Variants in RFC3 observed in about 807,000 individuals in gnomAD.
RFC3 encodes the protein replication factor C subunit 3.
RFC3 carries 41 observed loss-of-function variants against 45.1 expected under a neutral mutation model. The observed-to-expected ratio is 0.91, with a 90% CI of 0.71 to 1.18. RFC3 has a LOEUF of 1.18. Among genes scored for constraint, RFC3 ranks in the 50% most tolerant of loss-of-function variants. RFC3 has a pLI of 0.00. For synonymous variants in RFC3, 149 were observed against 144.0 expected, an observed-to-expected ratio of 1.03 and a Z score of -0.25; for missense variants, 423 against 428.1, an observed-to-expected ratio of 0.99 and a Z score of 0.10.
intron 8 of RFC3, among the ~76,000 whole-genome samples, chr13:33,942,244 G>T (rs796827334): frequency 4.6e-5 from 7 of 151,830 alleles, no homozygotes; most frequent in African/African-American, 1.4e-4. Flanking sequence ...TTTTATTTTT[G>T]TTTTTTAGTA....
At chr13:33,897,266 G>T (rs1458804886) in intron 8 of RFC3, among the ~76,000 whole-genome samples, 1 of 149,892 alleles carries the variant, frequency 6.7e-6, no homozygotes, top group Non-Finnish European at 1.5e-5. Context: ...GTGGGGGAAT[G>T]AAGTTACATT....
downstream of RFC3, among the ~76,000 whole-genome samples, chr13:33,967,486 C>CTTTTTTT (rs11393413): frequency 6.7e-5 from 8 of 119,456 alleles, no homozygotes; most frequent in Non-Finnish European, 8.2e-5. Context: ...ACCAGCAATT[C>CTTTTTTT]TTTTTTTTTT....
chr13:33,866,228 C>G (rs1456265707), intron 8 of RFC3, among the ~76,000 whole-genome samples: 1 of 152,156 alleles, frequency 6.6e-6, no homozygotes, highest in Non-Finnish European at 1.5e-5. Context: ...AGGTGAGCAC[C>G]TTTGAGATGT....
At chr13:33,871,476 C>T (rs1376202869) in intron 8 of RFC3, among the ~76,000 whole-genome samples, 1 of 152,204 alleles carries the variant, frequency 6.6e-6, no homozygotes, top group Non-Finnish European at 1.5e-5. Context: ...TGCCCTCCTG[C>T]TGCCCTCTTC....
intron 8 of RFC3, among the ~76,000 whole-genome samples, chr13:33,878,360 G>A (rs777357272): frequency 1.3e-5 from 2 of 152,306 alleles, no homozygotes; most frequent in Non-Finnish European, 2.9e-5. Flanking sequence ...AGATTAACGA[G>A]CTTTGGAAAT....
intron 8 of RFC3, among the ~76,000 whole-genome samples, chr13:33,875,800 A>G (rs555301941): frequency 2.6e-5 from 4 of 151,894 alleles, no homozygotes; most frequent in Admixed American, 6.6e-5. Flanking sequence ...TCATGGAGCA[A>G]CTGTCACTTA....
downstream of RFC3, among the ~76,000 whole-genome samples, chr13:33,970,277 A>C (rs2083104649): frequency 6.6e-6 from 1 of 152,094 alleles, no homozygotes; most frequent in Non-Finnish European, 1.5e-5. Context: ...ATTCCTTTTT[A>C]TGGCTGCATA....
At chr13:33,829,744 G>A in intron 4 of RFC3, 92 bp from the exon 5 acceptor site, 1 of 977,342 alleles carries the variant, frequency 1.0e-6, no homozygotes, top group South Asian at 1.3e-5. Flanking sequence ...TATTATTTAG[G>A]ATTTCATCCT....
chr13:33,832,689 G>A (rs964798387), intron 7 of RFC3, among the ~76,000 whole-genome samples: 4 of 152,024 alleles, frequency 2.6e-5, no homozygotes, highest in Non-Finnish European at 5.9e-5. Context: ...GTAAAATGTT[G>A]ATTATCAATA....
At chr13:33,929,002 G>A (rs1294371894) in intron 8 of RFC3, among the ~76,000 whole-genome samples, 1 of 152,002 alleles carries the variant, frequency 6.6e-6, no homozygotes, top group Non-Finnish European at 1.5e-5. Flanking sequence ...TTTGGCCTTT[G>A]CCCATTCTAA....
intron 8 of RFC3, among the ~76,000 whole-genome samples, chr13:33,957,210 G>A (rs561180965): frequency 6.6e-5 from 10 of 152,188 alleles, no homozygotes; most frequent in East Asian, 1.9e-4. Context: ...CAAAGACTAC[G>A]TCAAAAAATT....
At chr13:33,921,833 G>A (rs1041814662) in intron 8 of RFC3, among the ~76,000 whole-genome samples, 3 of 152,102 alleles carry the variant, frequency 2.0e-5, no homozygotes, top group Admixed American at 6.6e-5. Flanking sequence ...AAGTAGACAA[G>A]GATTTGAACT....
chr13:33,954,238 A>T (rs1718963273), intron 8 of RFC3, among the ~76,000 whole-genome samples: 1 of 152,192 alleles, frequency 6.6e-6, no homozygotes, highest in African/African-American at 2.4e-5. Context: ...GAATAGCTAC[A>T]TTTACATGAC....
intron 8 of RFC3, among the ~76,000 whole-genome samples, chr13:33,880,318 A>G (rs2082474656): frequency 6.6e-6 from 1 of 152,216 alleles, no homozygotes; most frequent in African/African-American, 2.4e-5. Context: ...GTAACCTAAT[A>G]AATGTTAAGT....
At chr13:33,910,183 G>T (rs2210056) in intron 8 of RFC3, among the ~76,000 whole-genome samples, 46,693 of 151,808 alleles carry the variant, frequency 0.31, 11,517 homozygotes, top group African/African-American at 0.67. Flanking sequence ...GCTCCTACTC[G>T]GTTCTGGGCA....
At chr13:33,875,384 A>C (rs1038880792) in intron 8 of RFC3, among the ~76,000 whole-genome samples, 2 of 152,218 alleles carry the variant, frequency 1.3e-5, no homozygotes, top group African/African-American at 2.4e-5. Context: ...AGAATGACGA[A>C]GCATTACCCA....
chr13:33,879,797 A>G (rs1341674982), intron 8 of RFC3, among the ~76,000 whole-genome samples: 4 of 152,068 alleles, frequency 2.6e-5, no homozygotes, highest in Non-Finnish European at 4.4e-5. Context: ...GCTGATTTTG[A>G]GCTAAAACCA....
At chr13:33,949,525 T>C (rs1413224502) in intron 8 of RFC3, among the ~76,000 whole-genome samples, 1 of 152,206 alleles carries the variant, frequency 6.6e-6, no homozygotes, top group Non-Finnish European at 1.5e-5. Flanking sequence ...ATTAAAATAG[T>C]ATTCCATGCA....
intron 8 of RFC3, among the ~76,000 whole-genome samples, chr13:33,918,529 C>T (rs1323296691): frequency 6.6e-6 from 1 of 152,106 alleles, no homozygotes; most frequent in African/African-American, 2.4e-5. Flanking sequence ...GTAATTAATA[C>T]AAAGTAGCTG....
Sources: gnomAD v4.1 joint callset for allele counts (sites outside exome capture counted in the v4.1 genomes callset) on GRCh38, gnomAD v4.1.1 for gene constraint, MANE v1.5 for transcripts, NCBI Gene and HGNC (gene_info 2026-07-23, HGNC 2026-07-21) for gene names.